Variants in GNB1L observed in about 807,000 individuals in gnomAD.
GNB1L encodes the protein guanine nucleotide-binding protein subunit beta-like protein 1.
Under a neutral mutation model 29.1 loss-of-function variants are expected in GNB1L, and 20 were observed. The ratio of observed to expected loss-of-function variants is 0.69; its 90% CI spans 0.48 to 1.00. The LOEUF (loss-of-function observed/expected upper bound fraction) is 1.00, where lower values mean the gene tolerates loss of function less well. Among genes scored for constraint, GNB1L ranks in the 50% least tolerant of loss-of-function variants. The pLI, the probability that GNB1L is intolerant of heterozygous loss-of-function variation, is 0.00. For missense variants in GNB1L, 421 were observed against 464.9 expected, an observed-to-expected ratio of 0.91 and a Z score of 0.87; for synonymous variants, 193 against 206.5, an observed-to-expected ratio of 0.93 and a Z score of 0.56.
intron 7 of GNB1L, among the ~76,000 whole-genome samples, chr22:19,793,267 A>C (rs1937271838): frequency 6.6e-6 from 1 of 152,240 alleles, no homozygotes; most frequent in Non-Finnish European, 1.5e-5. Context: ...GTCATAATAG[A>C]AAATATAGAA....
chr22:19,792,601 G>C, intron 7 of GNB1L: 1 of 1,598,258 alleles, frequency 6.3e-7, no homozygotes, highest in Non-Finnish European at 8.5e-7. Context: ...CACAAGTACA[G>C]ACCAGAGACA....
intron 2 of GNB1L, among the ~76,000 whole-genome samples, chr22:19,834,649 TTAAG>T (rs34131709): frequency 0.13 from 19,065 of 152,124 alleles, 1,454 homozygotes; most frequent in Middle Eastern, 0.22. Flanking sequence ...GAAGGGTTAA[TTAAG>T]TATGTACACT....
chr22:19,827,424 A>G (rs1237687898), intron 2 of GNB1L, among the ~76,000 whole-genome samples: 2 of 152,202 alleles, frequency 1.3e-5, no homozygotes, highest in Non-Finnish European at 2.9e-5. Context: ...AAACCATAAA[A>G]GCATGCCAGA....
chr22:19,851,066 A>T, intron 2 of GNB1L: 1 of 1,464,752 alleles, frequency 6.8e-7, no homozygotes, highest in Non-Finnish European at 9.0e-7. Context: ...GTCTGAAGTC[A>T]TCTGGGGACA....
intron 4 of GNB1L, 79 bp from the exon 5 acceptor site, chr22:19,812,526 G>T: frequency 7.4e-7 from 1 of 1,352,914 alleles, no homozygotes. Flanking sequence ...CGGAAGGAAG[G>T]CAAGGCCATG....
At chr22:19,800,078 C>G (rs1937352278) in intron 7 of GNB1L, among the ~76,000 whole-genome samples, 2 of 152,272 alleles carry the variant, frequency 1.3e-5, no homozygotes, top group African/African-American at 4.8e-5. Flanking sequence ...GCCAACCACT[C>G]CCTGTTCCTG....
chr22:19,838,463 T>TTTA (rs1569053370), intron 2 of GNB1L, among the ~76,000 whole-genome samples: 117 of 142,196 alleles, frequency 8.2e-4, no homozygotes, highest in Middle Eastern at 3.5e-3. Context: ...TTATTTATTT[T>TTTA]TTTATTTTTA....
chr22:19,823,227 C>T (rs968763563), intron 2 of GNB1L, among the ~76,000 whole-genome samples: 5 of 152,214 alleles, frequency 3.3e-5, no homozygotes, highest in South Asian at 2.1e-4. Context: ...AGAGAGGTTT[C>T]GTCCTCTCTC....
At chr22:19,847,998 G>A (rs1938006345) in intron 2 of GNB1L, 1 of 984,896 alleles carries the variant, frequency 1.0e-6, no homozygotes, top group African/African-American at 1.7e-5. Flanking sequence ...CCTCTAGCCT[G>A]TACTAAATTT....
chr22:19,821,404 A>T (rs1937578318), intron 2 of GNB1L, 29 bp from the exon 3 acceptor site: 1 of 1,599,670 alleles, frequency 6.3e-7, no homozygotes, highest in Admixed American at 1.7e-5. Flanking sequence ...CGTGTGAGTG[A>T]CTGCGTCCCT....
At chr22:19,852,167 T>C in intron 2 of GNB1L, 1 of 1,614,076 alleles carries the variant, frequency 6.2e-7, no homozygotes, top group South Asian at 1.1e-5. Context: ...AGGAGACGCC[T>C]TGTCCATCTG....
chr22:19,851,754 G>A lies in GNB1L; in HGVS notation c.-21+2689C>T, dbSNP rs144116940. On this transcript the variant is annotated intron_variant, in intron 2 of 7. Transcript: ENST00000329517. Reference sequence around the variant, plus strand: ...ACTTCCTTGAGATCCTGGCAGAAGAGCTCGTAATCGTCAGGCAGGGGCAGG... The same window carrying A: ...ACTTCCTTGAGATCCTGGCAGAAGAACTCGTAATCGTCAGGCAGGGGCAGG... 7.1e-5 allele frequency: 114 copies of A among 1,610,356 alleles called. No homozygotes were observed. The East Asian group carries it at 1.7e-3, about 25-fold the overall frequency.
At position 19,820,719 on chromosome 22, in the gene GNB1L, G is replaced by C. The variant is rs958137088; in HGVS notation, c.133C>G (p.Gln45Glu). The C allele has an allele frequency of 2.5e-6, 4 of 1,610,778 alleles. No homozygotes were observed. In the Admixed American group the frequency reaches 6.7e-5, roughly 27 times the overall value. Reference protein sequence around the residue: ...QGRPLLFSGSQSGLVHIWSLQ... With the variant: ...QGRPLLFSGSESGLVHIWSLQ... ...CTCCAGATGTGTACCAGGCCACTCT[G>C]AGACCTGTTTCAGACAAGCCGAGCA... Residue 45 changes from glutamine (Q) to glutamate (E), a missense_variant, in exon 4 of 8, where the codon CAG becomes GAG. By Grantham distance (29) the Gln-to-Glu change is conservative (BLOSUM62 2). Coordinates refer to ENST00000329517, the MANE Select transcript of GNB1L (RefSeq NM_053004.3).
Position 19,821,270 on chromosome 22 carries a change from CAGA to C in GNB1L, c.83_85del (p.Phe28del). 6.2e-7 allele frequency: 1 copy of C among 1,613,288 alleles called. No homozygotes were observed. Among genetic ancestry groups the C allele is most frequent in the East Asian group, 2.2e-5 (1 of 44,872 alleles). On this transcript the variant is annotated inframe_deletion, in exon 3 of 8. Transcript: ENST00000329517. ...GCGCCCCTGAGCCTGGGCTCCTTCG[CAGA>C]AGTGCAGCGCATGCACCGGTGACTG...
chr22:19,852,398 G>T, intron 2 of GNB1L: 1 of 914,878 alleles, frequency 1.1e-6, no homozygotes. Flanking sequence ...CCAGGCAAGT[G>T]CTGAGGATCA....
chr22:19,795,111 TGTTTA>T (rs1258805604), intron 7 of GNB1L, among the ~76,000 whole-genome samples: 2 of 152,192 alleles, frequency 1.3e-5, no homozygotes, highest in Admixed American at 6.5e-5. Context: ...TCGATGCTAC[TGTTTA>T]GTATCAGACA....
rs9941975 is a variant in GNB1L, at chr22:19,807,208, C to A, written c.418-451G>T. On this transcript the variant is annotated intron_variant, in intron 5 of 7. Transcript: ENST00000329517. The stretch of plus-strand genomic sequence containing the variant: ...GCAGCTCCGGGAAACCTGGCTCCCC[C>A]ACCTGGACGCCCCGGTGTCCCCTGT... 9.5e-3 allele frequency among the ~76,000 whole-genome samples: 1,448 copies of A among 152,312 alleles called. 26 individuals carry two copies. Among genetic ancestry groups the A allele is most frequent in the African/African-American group, 0.033 (1,385 of 41,562 alleles).
intron 2 of GNB1L, among the ~76,000 whole-genome samples, chr22:19,826,092 T>C (rs906550626): frequency 6.6e-6 from 1 of 152,222 alleles, no homozygotes. Flanking sequence ...TTGAGGGCAT[T>C]TGCTGCACTA....
intron 2 of GNB1L, among the ~76,000 whole-genome samples, chr22:19,837,315 A>C (rs1937783102): frequency 6.6e-6 from 1 of 152,242 alleles, no homozygotes; most frequent in Non-Finnish European, 1.5e-5. Context: ...CAGATGGGGA[A>C]AAATATTTTC....
Sources: allele counts gnomAD v4.1 joint callset (sites outside exome capture counted in the v4.1 genomes callset), GRCh38; gene constraint gnomAD v4.1.1; transcripts MANE v1.5; gene names NCBI Gene and HGNC (gene_info 2026-07-23, HGNC 2026-07-21).